Variants in ZNF609 observed in about 807,000 individuals in gnomAD.
ZNF609 encodes zinc finger protein 609.
Under a neutral mutation model 109.5 loss-of-function variants are expected in ZNF609, and 11 were observed. The observed-to-expected ratio is 0.10, with a 90% confidence interval of 0.06 to 0.17. The LOEUF is 0.17. Among genes scored for constraint, ZNF609 ranks in the 10% least tolerant of loss-of-function variants. The pLI, the probability that ZNF609 is intolerant of heterozygous loss-of-function variation, is 1.00. For synonymous variants in ZNF609, 646 were observed against 662.0 expected (o/e 0.98, Z 0.37); for missense variants, 1,559 against 1,772.4 (o/e 0.88, Z 2.16).
intron 2 of ZNF609, among the ~76,000 whole-genome samples, chr15:64,524,252 A>G (rs113665224): frequency 0.021 from 3,202 of 152,308 alleles, 122 homozygotes; most frequent in African/African-American, 0.07. Flanking sequence ...TAGAAATTTC[A>G]TGTAAATGGA....
chr15:64,493,085 A>G (rs993989364), intron 1 of ZNF609, among the ~76,000 whole-genome samples: 6 of 152,234 alleles, frequency 3.9e-5, no homozygotes, highest in African/African-American at 9.6e-5. Flanking sequence ...ACAGTAGAAC[A>G]GTATTAGACA....
chr15:64,575,616 T>A (rs1894938472), intron 2 of ZNF609, among the ~76,000 whole-genome samples: 1 of 152,154 alleles, frequency 6.6e-6, no homozygotes, highest in Non-Finnish European at 1.5e-5. Context: ...TTCTTATTCA[T>A]GGTTTTGGTT....
At chr15:64,479,774 C>T (rs1184516974) in intron 1 of ZNF609, among the ~76,000 whole-genome samples, 2 of 151,412 alleles carry the variant, frequency 1.3e-5, no homozygotes, top group Admixed American at 6.6e-5. Flanking sequence ...CAAACATTAG[C>T]TGGGCATGGT....
In ZNF609 at chr15:64,661,018, G is replaced by A. The variant is rs373439187; in HGVS notation, c.974-9328G>A. Among the ~76,000 whole-genome samples the A allele has an allele frequency of 5.8e-3, 883 of 152,224 alleles. 92 individuals carry two copies. In the South Asian group the frequency reaches 0.17, roughly 30 times the overall value. ...CCGTCACCCAGGCTGGAGTGCAGTG[G>A]CGTGATGTGGACTCACTGCTGCAAC... On this transcript the variant is annotated intron_variant, in intron 3 of 9. Coordinates refer to ENST00000326648, the MANE Select transcript of ZNF609 (RefSeq NM_015042.2).
rs573725197 is a variant in ZNF609 at position 64,598,206 on chromosome 15, C to T, written c.748-24621C>T. On this transcript the variant is annotated intron_variant, in intron 2 of 9. Transcript: ENST00000326648. ...CTCAGCTCACTGCAAACTCTGCCTC[C>T]TGGGTTCAAGCGATTCTTGTGCCTC... Among the ~76,000 whole-genome samples, 5 of 152,302 alleles carry T rather than the reference C, an allele frequency of 3.3e-5. No homozygotes were observed. The South Asian group carries it at 8.3e-4, about 25-fold the overall frequency.
chr15:64,598,742 G>GTGTATATATA (rs1477685716), intron 2 of ZNF609, among the ~76,000 whole-genome samples: 8 of 60,270 alleles, frequency 1.3e-4, no homozygotes, highest in South Asian at 6.1e-4. Flanking sequence ...CTTTGTGTGT[G>GTGTATATATA]TATATATATA....
intron 2 of ZNF609, among the ~76,000 whole-genome samples, chr15:64,612,249 G>C (rs1210139306): frequency 6.7e-6 from 1 of 150,358 alleles, no homozygotes; most frequent in Admixed American, 6.6e-5. Context: ...CCAGGTTCAC[G>C]CCATTCTCCT....
chr15:64,593,016 A>C, intron 2 of ZNF609: 1 of 1,575,314 alleles, frequency 6.3e-7, no homozygotes, highest in Middle Eastern at 1.7e-4. Flanking sequence ...CGTGCCAAAA[A>C]GGGCCGCGGC....
At chr15:64,598,347 C>A (rs2140944988) in intron 2 of ZNF609, among the ~76,000 whole-genome samples, 1 of 152,218 alleles carries the variant, frequency 6.6e-6, no homozygotes, top group East Asian at 1.9e-4. Flanking sequence ...GACTCCTGGC[C>A]TCAAGTGATC....
chr15:64,606,903 G>A (rs1245243800), intron 2 of ZNF609, among the ~76,000 whole-genome samples: 3 of 152,162 alleles, frequency 2.0e-5, no homozygotes, highest in Admixed American at 1.3e-4. Context: ...CAGCACTTTG[G>A]GAGGCCGAGG....
chr15:64,631,249 G>T, intron 3 of ZNF609: 1 of 649,120 alleles, frequency 1.5e-6, no homozygotes, highest in South Asian at 1.4e-5. Context: ...TTCTTTTTCT[G>T]ATCATTTTTC....
chr15:64,465,013 G>GT (rs918287936), intron 1 of ZNF609, among the ~76,000 whole-genome samples: 4 of 152,180 alleles, frequency 2.6e-5, no homozygotes, highest in African/African-American at 7.2e-5. Flanking sequence ...TGTAACTGTG[G>GT]TTTTTTAGAT....
At chr15:64,519,337 T>C (rs763787476) in intron 2 of ZNF609, among the ~76,000 whole-genome samples, 11 of 152,072 alleles carry the variant, frequency 7.2e-5, no homozygotes, top group Non-Finnish European at 1.5e-4. Flanking sequence ...ATTGATGCCA[T>C]AGAAGTGAGT....
At chr15:64,485,545 A>G (rs892074422) in intron 1 of ZNF609, among the ~76,000 whole-genome samples, 2 of 152,228 alleles carry the variant, frequency 1.3e-5, no homozygotes, top group South Asian at 2.1e-4. Context: ...GCTCATGCCT[A>G]TAACCCCAAC....
intron 6 of ZNF609, among the ~76,000 whole-genome samples, chr15:64,679,346 C>G (rs1023723317): frequency 2.1e-4 from 32 of 152,202 alleles, no homozygotes; most frequent in Admixed American, 1.2e-3. Flanking sequence ...TGCTGAGATA[C>G]AGGCATGAGC....
intron 2 of ZNF609, among the ~76,000 whole-genome samples, chr15:64,530,276 C>G (rs1156758027): frequency 1.3e-5 from 2 of 152,156 alleles, no homozygotes; most frequent in Non-Finnish European, 2.9e-5. Flanking sequence ...TCTCAAAGTG[C>G]TGGGATTACA....
intron 2 of ZNF609, among the ~76,000 whole-genome samples, chr15:64,504,262 G>T (rs966301375): frequency 8.5e-5 from 13 of 152,270 alleles, no homozygotes; most frequent in African/African-American, 3.1e-4. Context: ...GGCAGTTCCA[G>T]AGAAAGATTA....
At chr15:64,493,323 G>T (rs1443738254) in intron 1 of ZNF609, among the ~76,000 whole-genome samples, 1 of 152,104 alleles carries the variant, frequency 6.6e-6, no homozygotes, top group Non-Finnish European at 1.5e-5. Flanking sequence ...CGAAGGAGAG[G>T]CCTTGTTCAT....
intron 2 of ZNF609, among the ~76,000 whole-genome samples, chr15:64,523,412 C>G (rs1003224196): frequency 2.0e-5 from 3 of 152,070 alleles, no homozygotes; most frequent in African/African-American, 7.2e-5. Flanking sequence ...GGATTGACTG[C>G]CTAATAGTAG....
Sources: allele counts gnomAD v4.1 joint callset (sites outside exome capture counted in the v4.1 genomes callset), GRCh38; gene constraint gnomAD v4.1.1; transcripts MANE v1.5; gene names NCBI Gene and HGNC (gene_info 2026-07-23, HGNC 2026-07-21).